JMJD1C: variants seen among roughly 807,000 people sequenced by gnomAD.
JMJD1C encodes the protein jumonji domain containing 1C.
JMJD1C carries 31 observed loss-of-function variants against 245.3 expected under a neutral mutation model. The observed-to-expected ratio is 0.13, with a 90% CI of 0.09 to 0.17. JMJD1C has a LOEUF of 0.17. Ranked by LOEUF, JMJD1C falls within the 10% of genes least tolerant of loss-of-function variation. The pLI, the probability that JMJD1C is intolerant of heterozygous loss-of-function variation, is 1.00. For synonymous variants in JMJD1C, 1,057 were observed against 1,017.4 expected (o/e 1.04, Z -0.74); for missense variants, 2,691 against 3,000.2 (o/e 0.90, Z 2.41).
At chr10:63,360,692 T>C (rs555031471) in intron 2 of JMJD1C, among the ~76,000 whole-genome samples, 7 of 152,364 alleles carry the variant, frequency 4.6e-5, no homozygotes, top group African/African-American at 1.7e-4. Context: ...GGCATGCTTA[T>C]ATTATAAAAA....
At chr10:63,178,258 A>G (rs1190922415) in intron 22 of JMJD1C, among the ~76,000 whole-genome samples, 2 of 152,212 alleles carry the variant, frequency 1.3e-5, no homozygotes, top group African/African-American at 2.4e-5. Flanking sequence ...TACTCTTAAA[A>G]AAGAGTCAAA....
intron 2 of JMJD1C, among the ~76,000 whole-genome samples, chr10:63,366,013 G>A (rs1366529429): frequency 6.6e-6 from 1 of 152,140 alleles, no homozygotes; most frequent in Non-Finnish European, 1.5e-5. Context: ...AAATGGGAAT[G>A]GTCTGTGCAG....
chr10:63,372,145 T>TG (rs1019085347), intron 2 of JMJD1C, among the ~76,000 whole-genome samples: 4 of 152,190 alleles, frequency 2.6e-5, no homozygotes, highest in African/African-American at 7.2e-5. Context: ...GAACAGATAG[T>TG]AAGTAAAAAG....
rs557743300 is a variant in JMJD1C at position 63,331,488 on chromosome 10, G to A, written c.333+48830C>T. 7.9e-5 allele frequency among the ~76,000 whole-genome samples: 12 copies of A among 152,076 alleles called. No individual in the cohort carries two copies. In the East Asian group the frequency reaches 1.7e-3, roughly 22 times the overall value. On this transcript the variant is annotated intron_variant, in intron 2 of 25. Coordinates refer to ENST00000399262, the MANE Select transcript of JMJD1C (RefSeq NM_032776.3). ...TTTAGATTATGAGGTTTTAACTTGCGATCCAAAGATACATTTCAGGGAAGT... is the reference window on the plus strand; with the variant it reads ...TTTAGATTATGAGGTTTTAACTTGCAATCCAAAGATACATTTCAGGGAAGT...
intron 1 of JMJD1C, among the ~76,000 whole-genome samples, chr10:63,499,356 C>A (rs568469002): frequency 5.9e-5 from 9 of 152,314 alleles, no homozygotes; most frequent in African/African-American, 1.9e-4. Flanking sequence ...ACAAGGGTTC[C>A]GATTTCTCCA....
At chr10:63,417,523 A>C (rs1589708109) in intron 1 of JMJD1C, among the ~76,000 whole-genome samples, 1 of 152,192 alleles carries the variant, frequency 6.6e-6, no homozygotes, top group Non-Finnish European at 1.5e-5. Flanking sequence ...AATGGCCCTC[A>C]TAAAATTAGT....
intron 1 of JMJD1C, among the ~76,000 whole-genome samples, chr10:63,390,246 G>T (rs761006579): frequency 1.1e-4 from 16 of 152,052 alleles, no homozygotes; most frequent in Middle Eastern, 3.2e-3. Context: ...AGACCATTAT[G>T]AACAACTATA....
At chr10:63,202,475 T>C (rs1846136845) in intron 10 of JMJD1C, 2 of 985,434 alleles carry the variant, frequency 2.0e-6, no homozygotes, top group Non-Finnish European at 2.4e-6. Flanking sequence ...GCTATTCTCC[T>C]GAGACTACGT....
chr10:63,452,678 T>C (rs940454287), intron 1 of JMJD1C, among the ~76,000 whole-genome samples: 2 of 152,190 alleles, frequency 1.3e-5, no homozygotes, highest in Non-Finnish European at 2.9e-5. Context: ...GCAATCCTTC[T>C]ACCCTTTGGT....
chr10:63,317,431 T>G (rs1457852605), intron 2 of JMJD1C, among the ~76,000 whole-genome samples: 1 of 151,972 alleles, frequency 6.6e-6, no homozygotes, highest in Non-Finnish European at 1.5e-5. Context: ...CTTGACTTAT[T>G]AACTATAGTC....
intron 1 of JMJD1C, among the ~76,000 whole-genome samples, chr10:63,436,350 C>G (rs975033790): frequency 6.6e-6 from 1 of 152,176 alleles, no homozygotes; most frequent in African/African-American, 2.4e-5. Flanking sequence ...ATGACTCCAG[C>G]TCTTAAATTC....
intron 1 of JMJD1C, among the ~76,000 whole-genome samples, chr10:63,460,317 G>C (rs1952697921): frequency 6.6e-6 from 1 of 152,144 alleles, no homozygotes; most frequent in Non-Finnish European, 1.5e-5. Flanking sequence ...AGGAGTCCAA[G>C]ACCAGCCTGG....
intron 1 of JMJD1C, among the ~76,000 whole-genome samples, chr10:63,429,094 C>T (rs758589480): frequency 2.6e-5 from 4 of 152,170 alleles, no homozygotes; most frequent in Non-Finnish European, 5.9e-5. Context: ...GAGTCTCCTG[C>T]CTCGGCCTCC....
Position 63,214,995 on chromosome 10 carries a change from T to A in JMJD1C, c.1172A>T (p.Asn391Ile). Reference protein sequence around the residue: ...SENSNKRIIDNSSEQKPENEL... With the variant: ...SENSNKRIIDISSEQKPENEL... ...ATTCTCTGGCTTCTGTTCTGAGGAA[T>A]TATCTATTATTCTCTTATTTGAATT... is the stretch of plus-strand genomic sequence containing the variant. Residue 391 changes from asparagine to isoleucine, a missense_variant, in exon 8 of 26, where the codon AAT becomes ATT. Transcript: ENST00000399262. 6.2e-7 allele frequency: 1 copy of A among 1,600,782 alleles called. No individual in the cohort carries two copies. The highest frequency in any genetic ancestry group is 2.2e-5 in the East Asian group (1 of 44,780).
At position 63,193,139 on chromosome 10, in the gene JMJD1C, C is replaced by T. The variant is rs1845043281; in HGVS notation, c.5875G>A (p.Val1959Ile). ...GAAATTTTATTACTGTGATTAAGAA[C>T]ATTCTGTAAAACCTACAAAGGTAGA... ...MNGVSQVLQN[V>I]LNHSNKISLC... The change falls in exon 16 of 26, where the codon GTT becomes ATT. Residue 1959 changes from valine (V) to isoleucine (I), a missense_variant. Val to Ile is a conservative substitution (Grantham distance 29). Transcript: ENST00000399262. The T allele has an allele frequency of 6.2e-7, 1 of 1,611,886 alleles. No homozygotes were observed. The highest frequency in any genetic ancestry group is 1.3e-5 in the African/African-American group (1 of 74,898).
intron 1 of JMJD1C, among the ~76,000 whole-genome samples, chr10:63,423,230 G>A (rs1191074470): frequency 6.7e-6 from 1 of 149,352 alleles, no homozygotes; most frequent in African/African-American, 2.6e-5. Context: ...CTTCCAAACT[G>A]CTGGGATTAC....
rs75492436 is a variant in JMJD1C, at chr10:63,452,261, C to G, written c.168+13234G>C. Among the ~76,000 whole-genome samples the G allele has an allele frequency of 1.4e-3, 220 of 152,214 alleles. 5 individuals are homozygous for G. In the East Asian group the frequency reaches 0.036, roughly 25 times the overall value. ...ACAAAGCAAAACAAAACAAAACATG[C>G]TGAATCAAAACTGGGTGAACAACTT... On this transcript the variant is annotated intron_variant, in intron 1 of 25. Coordinates refer to ENST00000399262, the MANE Select transcript of JMJD1C (RefSeq NM_032776.3).
At chr10:63,189,069 AT>A (rs1423057122) in intron 18 of JMJD1C, 98 bp downstream of exon 18, 18 of 1,011,026 alleles carry the variant, frequency 1.8e-5, no homozygotes, top group Admixed American at 1.6e-4. Flanking sequence ...GTTAACCACT[AT>A]TTTTCCCCCC....
At chr10:63,464,362 T>C (rs539734403) in intron 1 of JMJD1C, among the ~76,000 whole-genome samples, 8 of 152,212 alleles carry the variant, frequency 5.3e-5, no homozygotes, top group South Asian at 2.1e-4. Flanking sequence ...TTAAAATAGG[T>C]AGGTAAAAAA....
Sources: gnomAD v4.1 joint callset for allele counts (sites outside exome capture counted in the v4.1 genomes callset) on GRCh38, gnomAD v4.1.1 for gene constraint, MANE v1.5 for transcripts, NCBI Gene and HGNC (gene_info 2026-07-23, HGNC 2026-07-21) for gene names.